The following PRKDC variants were observed in gnomAD, a reference collection of about 807,000 sequenced individuals.
PRKDC encodes the protein protein kinase, DNA-activated, catalytic subunit.
In PRKDC, 82 loss-of-function variants were observed where a neutral mutation model predicts 486.9. The ratio of observed to expected loss-of-function variants is 0.17; its 90% CI spans 0.14 to 0.20. PRKDC has a LOEUF of 0.20. Ranked by LOEUF, PRKDC falls within the 10% of genes least tolerant of loss-of-function variation. The pLI is 1.00. For synonymous variants in PRKDC, 1,895 were observed against 1,837.0 expected (o/e 1.03, Z -0.81); for missense variants, 4,504 against 5,038.2 (o/e 0.89, Z 3.21).
chr8:47,890,343 T>G lies in PRKDC; in HGVS notation c.3985A>C (p.Arg1329=), dbSNP rs2089433703. The change falls in exon 32 of 86, where the codon AGG becomes CGG. Residue 1329 remains arginine (R), a synonymous_variant. Transcript: ENST00000314191. ...GNRTSPQEGE[R]YNYSKCTVVV... is the part of the protein sequence containing the mutation. Reference sequence around the variant, plus strand: ...ACGGTGCATTTGCTGTAGTTGTACCTTTCTCCCTCTTGTGGGCTTGTTCTG... The same window carrying G: ...ACGGTGCATTTGCTGTAGTTGTACCGTTCTCCCTCTTGTGGGCTTGTTCTG... 1.2e-6 allele frequency: 2 copies of G among 1,613,380 alleles called. No individual in the cohort carries two copies. Among genetic ancestry groups the G allele is most frequent in the African/African-American group, 2.7e-5 (2 of 74,902 alleles).
At position 47,934,009 on chromosome 8, in the gene PRKDC, A is replaced by G; in HGVS notation, c.1579T>C (p.Tyr527His). Residue 527 changes from tyrosine (Y) to histidine (H), a missense_variant, in exon 15 of 86, where the codon TAC becomes CAC. Around this residue, in one of 6 missense-constraint regions of PRKDC, gnomAD observed 1,969 missense variants for 2,068.9 expected, o/e 0.95. Coordinates refer to ENST00000314191, the MANE Select transcript of PRKDC (RefSeq NM_006904.7). ...AGGAGATGTCTGAAGAGATCCACGT[A>G]GTCTTTGTATGTGGGCACCTTCCAT... The part of the protein sequence containing the change: ...GKWKVPTYKD[Y>H]VDLFRHLLSS... 1 of 1,613,614 alleles carries G rather than the reference A, an allele frequency of 6.2e-7. No homozygotes were observed. The highest frequency in any genetic ancestry group is 8.5e-7 in the Non-Finnish European group (1 of 1,179,834).
At chr8:47,783,861 T>C in intron 77 of PRKDC, 52 bp from the exon 78 acceptor site, 2 of 1,559,674 alleles carry the variant, frequency 1.3e-6, no homozygotes, top group Non-Finnish European at 1.8e-6. Flanking sequence ...CAACCGCCTG[T>C]ATTTTAAAAC....
chr8:47,937,793 C>G (rs2090377718), intron 11 of PRKDC, among the ~76,000 whole-genome samples: 1 of 152,078 alleles, frequency 6.6e-6, no homozygotes, highest in African/African-American at 2.4e-5. Flanking sequence ...TTAAAGTCGC[C>G]AACAGAGACA....
chr8:47,852,585 T>C lies in PRKDC; in HGVS notation c.7005+88A>G, dbSNP rs767105356. 7.5e-5 allele frequency: 58 copies of C among 768,414 alleles called. 1 individual carries two copies. The highest frequency in any genetic ancestry group is 1.1e-4 in the Non-Finnish European group (56 of 504,552). 47.6% of individuals were successfully genotyped at this position (768,414 alleles called of 1,614,324 possible). ...GATGCCCATTTTGTTTCTAATACCA[T>C]ACAAGAAATAAACATATAAGTATCA... On this transcript the variant is annotated intron_variant, in intron 52 of 85. Coordinates refer to ENST00000314191, the MANE Select transcript of PRKDC (RefSeq NM_006904.7).
At position 47,827,636 on chromosome 8, in the gene PRKDC, C is replaced by A. The variant is rs541081815; in HGVS notation, c.8577+532G>T. Among the ~76,000 whole-genome samples the A allele has an allele frequency of 1.2e-4, 19 of 152,366 alleles. No homozygotes were observed. The East Asian group carries it at 3.1e-3, about 25-fold the overall frequency. ...TCATTACTATCTTACACTGCTTTAA[C>A]ACTTCCCTATTACTCAAGTACTATG... is the stretch of plus-strand genomic sequence containing the variant. On this transcript the variant is annotated intron_variant, in intron 62 of 85. Coordinates refer to ENST00000314191, the MANE Select transcript of PRKDC (RefSeq NM_006904.7).
intron 59 of PRKDC, among the ~76,000 whole-genome samples, chr8:47,833,606 G>C (rs778453880): frequency 1.3e-5 from 2 of 152,018 alleles, no homozygotes; most frequent in South Asian, 2.1e-4. Context: ...TGCTCGGTGC[G>C]TTACAAGGCT....
intron 10 of PRKDC, 102 bp from the exon 11 acceptor site, chr8:47,939,799 T>C (rs1589807370): frequency 9.7e-7 from 1 of 1,029,760 alleles, no homozygotes; most frequent in African/African-American, 1.6e-5. Context: ...TAATGTACTG[T>C]TATAGTTACA....
chr8:47,929,038 T>C (rs2090205002), intron 19 of PRKDC, 54 bp downstream of exon 19: 4 of 1,249,032 alleles, frequency 3.2e-6, no homozygotes, highest in South Asian at 2.7e-5. Flanking sequence ...TTTCAATAGA[T>C]ATTCATTTAA....
chr8:47,935,129 C>A (rs1000556195), intron 13 of PRKDC, 71 bp from the exon 14 acceptor site: 63 of 1,070,628 alleles, frequency 5.9e-5, no homozygotes, highest in South Asian at 8.0e-5. Flanking sequence ...CAAAAAAAAA[C>A]AAACAGTCAT....
At position 47,817,544 on chromosome 8, in the gene PRKDC, C is replaced by T; in HGVS notation, c.9463G>A (p.Val3155Ile). The change falls in exon 68 of 86, where the codon GTT becomes ATT. Residue 3155 changes from valine to isoleucine, a missense_variant. Val to Ile is a conservative substitution (Grantham distance 29, BLOSUM62 3). Transcript: ENST00000314191. ...GTGTTCAGAAGTCTCTTAAGGGGAA[C>T]TTGAGATGATAAATTGCCTAAAAAT... ...ISKQGNLSSQ[V>I]PLKRLLNTWT... 6.2e-7 allele frequency: 1 copy of T among 1,600,538 alleles called. No homozygotes were observed. The highest frequency in any genetic ancestry group is 8.5e-7 in the Non-Finnish European group (1 of 1,172,086).
rs753755880 is a variant in PRKDC, at chr8:47,889,130, G to C, written c.4164C>G (p.Asp1388Glu). 2 of 1,613,964 alleles carry C rather than the reference G, an allele frequency of 1.2e-6. No individual in the cohort carries two copies. Among genetic ancestry groups the C allele is most frequent in the Non-Finnish European group, 1.7e-6 (2 of 1,179,878 alleles). ...CAGGAAGATGAGCCATAACCTGGACGTCTCCGATGTTGAAACCTATGCTTG... is the reference window on the plus strand; with the variant it reads ...CAGGAAGATGAGCCATAACCTGGACCTCTCCGATGTTGAAACCTATGCTTG... Reference protein sequence around the residue: ...EPASIGFNIGDVQVMAHLPDV... With the variant: ...EPASIGFNIGEVQVMAHLPDV... Residue 1388 changes from aspartate (D) to glutamate (E), a missense_variant, in exon 33 of 86, where the codon GAC becomes GAG. Physicochemically the swap from Asp to Glu is conservative, Grantham distance 45. Around this residue, in one of 6 missense-constraint regions of PRKDC, gnomAD observed 1,969 missense variants for 2,068.9 expected, o/e 0.95. Transcript: ENST00000314191.
intron 50 of PRKDC, among the ~76,000 whole-genome samples, 191 bp from the exon 51 acceptor site, chr8:47,854,405 C>G (rs1307437115): frequency 6.6e-6 from 1 of 152,158 alleles, no homozygotes; most frequent in Non-Finnish European, 1.5e-5. Flanking sequence ...TTGGCATGAT[C>G]TCGGCTTGCT....
intron 73 of PRKDC, 136 bp downstream of exon 73, chr8:47,798,101 G>T: frequency 1.1e-6 from 1 of 939,234 alleles, no homozygotes; most frequent in Non-Finnish European, 1.5e-6. Context: ...TATGTCCTCA[G>T]AATGTAGCAG....
chr8:47,817,659 C>T (rs2087478343), intron 67 of PRKDC, 98 bp from the exon 68 acceptor site: 5 of 724,188 alleles, frequency 6.9e-6, no homozygotes, highest in Admixed American at 5.7e-5. Flanking sequence ...AACTTCCTGC[C>T]CAAATTACAA....
intron 7 of PRKDC, among the ~76,000 whole-genome samples, chr8:47,951,068 A>G (rs2090618161): frequency 6.6e-6 from 1 of 152,176 alleles, no homozygotes; most frequent in Admixed American, 6.5e-5. Flanking sequence ...TGAAAAGGCA[A>G]CTCAAAAAAT....
Position 47,912,574 on chromosome 8 carries a change from CA to C in PRKDC, c.2782-13del. On this transcript the variant is annotated splice_polypyrimidine_tract_variant and intron_variant, in intron 24 of 85. Transcript: ENST00000314191. ...TCACAGGCTGCAACCTAAAACAGAC[CA>C]GGAGGTCAGCAATGTTTAAGTTATC... 1 of 1,578,266 alleles carries C rather than the reference CA, an allele frequency of 6.3e-7. No individual in the cohort carries two copies. The highest frequency in any genetic ancestry group is 8.6e-7 in the Non-Finnish European group (1 of 1,159,592).
intron 64 of PRKDC, among the ~76,000 whole-genome samples, chr8:47,823,434 C>T (rs1008141420): frequency 6.6e-6 from 1 of 151,712 alleles, no homozygotes; most frequent in African/African-American, 2.4e-5. Context: ...AAAAGCTTCC[C>T]AAGGCCTCCC....
At chr8:47,809,353 G>GTT (rs2087281329) in intron 68 of PRKDC, among the ~76,000 whole-genome samples, 1 of 152,106 alleles carries the variant, frequency 6.6e-6, no homozygotes, top group African/African-American at 2.4e-5. Flanking sequence ...AGCTTTCACT[G>GTT]TTTTTAATCA....
rs139124338 is a variant in PRKDC at position 47,895,007 on chromosome 8, T to C, written c.3599-1620A>G. 5.3e-4 allele frequency among the ~76,000 whole-genome samples: 80 copies of C among 152,256 alleles called. No homozygotes were observed. The East Asian group carries it at 0.015, about 28-fold the overall frequency. On this transcript the variant is annotated intron_variant, in intron 30 of 85. Coordinates refer to ENST00000314191, the MANE Select transcript of PRKDC (RefSeq NM_006904.7). ...AGGAGGATCACTTAAGCTCAGTTTA[T>C]GGCTGCAGTGAACTATAATCATGTC...
Sources: allele counts gnomAD v4.1 joint callset (sites outside exome capture counted in the v4.1 genomes callset), GRCh38; gene constraint gnomAD v4.1.1; regional missense constraint gnomAD v4.1.1; transcripts MANE v1.5; gene names NCBI Gene and HGNC (gene_info 2026-07-23, HGNC 2026-07-21).